Variants in NFX1 observed in about 807,000 individuals in gnomAD.
NFX1 encodes transcriptional repressor NF-X1.
NFX1 carries 69 observed loss-of-function variants against 137.2 expected under a neutral mutation model. The observed-to-expected ratio is 0.50, with a 90% CI of 0.41 to 0.61. The LOEUF (loss-of-function observed/expected upper bound fraction) is 0.61. NFX1 is among the 20% of genes least tolerant of loss of function. The pLI is 0.00. For missense variants in NFX1, 1,167 were observed against 1,391.0 expected, an observed-to-expected ratio of 0.84 and a Z score of 2.56; for synonymous variants, 495 against 474.1, an observed-to-expected ratio of 1.04 and a Z score of -0.57.
intron 15 of NFX1, among the ~76,000 whole-genome samples, chr9:33,350,568 G>T (rs78592152): frequency 0.012 from 1,816 of 152,316 alleles, 41 homozygotes; most frequent in African/African-American, 0.038. Flanking sequence ...GGCTTCTGCT[G>T]CAAATCCTTT....
chr9:33,291,726 AC>A, intron 1 of NFX1, among the ~76,000 whole-genome samples: 1 of 152,240 alleles, frequency 6.6e-6, no homozygotes, highest in Admixed American at 6.5e-5. Context: ...ACACGGTGAA[AC>A]CCCGTCTCTA....
intron 21 of NFX1, among the ~76,000 whole-genome samples, chr9:33,366,373 G>A (rs1048701728): frequency 2.0e-5 from 3 of 152,114 alleles, no homozygotes; most frequent in Non-Finnish European, 2.9e-5. Flanking sequence ...TACCTAAGTC[G>A]CAGTTCACTT....
chr9:33,359,486 C>A (rs1823924503), intron 19 of NFX1, among the ~76,000 whole-genome samples: 1 of 152,022 alleles, frequency 6.6e-6, no homozygotes, highest in Non-Finnish European at 1.5e-5. Flanking sequence ...GTAGTCCCAG[C>A]TACTCAGGAG....
intron 12 of NFX1, among the ~76,000 whole-genome samples, chr9:33,341,747 T>C (rs181884877): frequency 2.2e-4 from 34 of 152,274 alleles, no homozygotes; most frequent in African/African-American, 8.2e-4. Context: ...CTTGGCAACA[T>C]GGTAAAACCC....
In NFX1 at chr9:33,368,021, G is replaced by A. The variant is rs113573951; in HGVS notation, c.3290+402G>A. ...GGCCAAGGCGGGTGGATCACTTAAG[G>A]TCAGGAGTTCGAGACCAGCCTGGCC... On this transcript the variant is annotated intron_variant, in intron 23 of 23. Coordinates refer to ENST00000379540, the MANE Select transcript of NFX1 (RefSeq NM_002504.6). Among the ~76,000 whole-genome samples the A allele has an allele frequency of 1.8e-3, 277 of 152,346 alleles. 1 individual carries two copies. The highest frequency in any genetic ancestry group is 6.5e-3 in the African/African-American group (270 of 41,574).
At chr9:33,292,342 C>T (rs972416600) in intron 1 of NFX1, among the ~76,000 whole-genome samples, 2 of 152,216 alleles carry the variant, frequency 1.3e-5, no homozygotes, top group African/African-American at 4.8e-5. Flanking sequence ...TAAACAGAAG[C>T]CCAGTGCAGA....
chr9:33,351,105 C>T (rs1823620480), intron 15 of NFX1, among the ~76,000 whole-genome samples: 1 of 152,164 alleles, frequency 6.6e-6, no homozygotes, highest in Non-Finnish European at 1.5e-5. Flanking sequence ...GAGATTGGCG[C>T]CACTGTACTC....
intron 9 of NFX1, among the ~76,000 whole-genome samples, chr9:33,326,410 CT>C (rs1382438775): frequency 9.9e-6 from 1 of 101,086 alleles, no homozygotes; most frequent in Non-Finnish European, 1.9e-5. Context: ...AAGCCTCTGT[CT>C]TTAAAAAAAA....
chr9:33,349,346 A>C (rs1823550977), intron 15 of NFX1, among the ~76,000 whole-genome samples: 2 of 152,352 alleles, frequency 1.3e-5, no homozygotes, highest in South Asian at 4.1e-4. Flanking sequence ...TGGAAAAATT[A>C]ACATCCTAAA....
In NFX1 at chr9:33,295,351, G is replaced by A. The variant is rs144361670; in HGVS notation, c.957G>A (p.Arg319=). 2.4e-5 allele frequency: 38 copies of A among 1,613,994 alleles called. No individual in the cohort carries two copies. The highest frequency in any genetic ancestry group is 3.0e-5 in the Non-Finnish European group (35 of 1,180,042). ...ACCAAGAGAAATGCACTGTACGGAGGCAGGATCCTCAAGTAGTATCTCCTT... is the reference window on the plus strand; with the variant it reads ...ACCAAGAGAAATGCACTGTACGGAGACAGGATCCTCAAGTAGTATCTCCTT... The part of the protein sequence containing the change: ...RVDQEKCTVR[R]QDPQVVSPFS... The change falls in exon 2 of 24, where the codon AGG becomes AGA. Residue 319 remains arginine (R), a synonymous_variant. Coordinates refer to ENST00000379540, the MANE Select transcript of NFX1 (RefSeq NM_002504.6).
chr9:33,307,727 T>C (rs1394867604), intron 5 of NFX1, among the ~76,000 whole-genome samples: 1 of 152,044 alleles, frequency 6.6e-6, no homozygotes, highest in African/African-American at 2.4e-5. Flanking sequence ...GAAAGACAAT[T>C]GTTTAGGGTC....
intron 2 of NFX1, among the ~76,000 whole-genome samples, chr9:33,300,217 A>T (rs1821505693): frequency 6.6e-6 from 1 of 151,550 alleles, no homozygotes. Context: ...GCCACACTCC[A>T]CCACGCCCAG....
chr9:33,328,732 T>A, intron 10 of NFX1, 54 bp downstream of exon 10: 1 of 1,413,136 alleles, frequency 7.1e-7, no homozygotes, highest in Non-Finnish European at 1.0e-6. Flanking sequence ...TTTAAAATGG[T>A]GATTATGGGA....
intron 11 of NFX1, 53 bp downstream of exon 11, chr9:33,332,555 C>G: frequency 7.5e-7 from 1 of 1,336,946 alleles, no homozygotes; most frequent in Non-Finnish European, 1.1e-6. Flanking sequence ...TGTCGTCACT[C>G]TGAATCTTGT....
chr9:33,311,513 G>A (rs1821957926), intron 6 of NFX1, among the ~76,000 whole-genome samples: 1 of 152,084 alleles, frequency 6.6e-6, no homozygotes, highest in African/African-American at 2.4e-5. Flanking sequence ...CAATGAGATT[G>A]TGAGACTACC....
At chr9:33,328,349 G>A (rs905254647) in intron 9 of NFX1, among the ~76,000 whole-genome samples, 18 of 152,030 alleles carry the variant, frequency 1.2e-4, no homozygotes, top group Admixed American at 9.8e-4. Flanking sequence ...GCAAATCGTC[G>A]TATACTTTAA....
intron 7 of NFX1, among the ~76,000 whole-genome samples, chr9:33,315,924 A>T (rs10971469): frequency 0.056 from 8,562 of 151,872 alleles, 754 homozygotes; most frequent in African/African-American, 0.19. Flanking sequence ...TGTTCACAAC[A>T]ATGCCAGTCT....
At chr9:33,346,011 T>G (rs1305961284) in intron 14 of NFX1, among the ~76,000 whole-genome samples, 1 of 152,228 alleles carries the variant, frequency 6.6e-6, no homozygotes, top group Non-Finnish European at 1.5e-5. Context: ...GGCAGTATGA[T>G]TCAGACTTAA....
chr9:33,335,765 T>G (rs1477051303), intron 11 of NFX1, among the ~76,000 whole-genome samples: 1 of 152,194 alleles, frequency 6.6e-6, no homozygotes, highest in African/African-American at 2.4e-5. Context: ...GATTTACTAT[T>G]TTCGAATACT....
Sources: allele counts gnomAD v4.1 joint callset (sites outside exome capture counted in the v4.1 genomes callset), GRCh38; gene constraint gnomAD v4.1.1; transcripts MANE v1.5; gene names NCBI Gene and HGNC (gene_info 2026-07-23, HGNC 2026-07-21).